Variants in COL6A6 observed in about 807,000 individuals in gnomAD.
The protein encoded by COL6A6 is collagen type VI alpha 6 chain.
In COL6A6, 183 loss-of-function variants were observed where a neutral mutation model predicts 208.6. The ratio of observed to expected loss-of-function variants is 0.88; its 90% CI spans 0.78 to 0.99. COL6A6 has a LOEUF of 0.99. Ranked by LOEUF, COL6A6 falls within the 50% of genes least tolerant of loss-of-function variation. The pLI, the probability that COL6A6 is intolerant of heterozygous loss-of-function variation, is 0.00. For synonymous variants in COL6A6, 973 were observed against 1,011.8 expected, an observed-to-expected ratio of 0.96 and a Z score of 0.73; for missense variants, 2,816 against 2,815.2, an observed-to-expected ratio of 1.00 and a Z score of -0.01.
At chr3:130,533,253 T>TTAA (rs745978217) in intron 1 of COL6A6, among the ~76,000 whole-genome samples, 7 of 129,518 alleles carry the variant, frequency 5.4e-5, no homozygotes, top group South Asian at 2.5e-4. Flanking sequence ...TCCCAGGAAT[T>TTAA]AAAAAAAAAA....
chr3:130,615,448 TAA>T (rs2064488832), intron 23 of COL6A6, among the ~76,000 whole-genome samples: 2 of 152,316 alleles, frequency 1.3e-5, no homozygotes, highest in South Asian at 4.1e-4. Context: ...ATATGTCTAT[TAA>T]ATCAAGTGTT....
At chr3:130,533,253 TAAA>T (rs59750509) in intron 1 of COL6A6, among the ~76,000 whole-genome samples, 540 of 129,488 alleles carry the variant, frequency 4.2e-3, no homozygotes, top group Middle Eastern at 0.012. Context: ...TCCCAGGAAT[TAAA>T]AAAAAAAAAA....
chr3:130,584,103 A>G (rs1457280050), intron 10 of COL6A6, among the ~76,000 whole-genome samples: 2 of 152,170 alleles, frequency 1.3e-5, no homozygotes, highest in East Asian at 1.9e-4. Context: ...AAGTTTGAAA[A>G]TCTTTTCTTT....
chr3:130,627,500 A>G, intron 26 of COL6A6, 131 bp downstream of exon 26: 1 of 738,612 alleles, frequency 1.4e-6, no homozygotes, highest in South Asian at 1.6e-5. Context: ...TATTTCAGTA[A>G]TTTATTTGCT....
chr3:130,642,241 A>ATGTGTG (rs1435927175), intron 29 of COL6A6, among the ~76,000 whole-genome samples: 9 of 96,906 alleles, frequency 9.3e-5, no homozygotes, highest in African/African-American at 3.9e-4. Context: ...CTGACAGATT[A>ATGTGTG]TATGTGTGTG....
intron 29 of COL6A6, among the ~76,000 whole-genome samples, chr3:130,642,611 A>G (rs1348087666): frequency 6.6e-6 from 1 of 152,190 alleles, no homozygotes; most frequent in Non-Finnish European, 1.5e-5. Flanking sequence ...GCGGCCTCTC[A>G]AGGCTTGTGT....
At chr3:130,578,012 G>A (rs930709745) in intron 8 of COL6A6, among the ~76,000 whole-genome samples, 5 of 152,166 alleles carry the variant, frequency 3.3e-5, no homozygotes, top group African/African-American at 1.2e-4. Flanking sequence ...TTAAGCAACT[G>A]TTTTCTCACC....
At chr3:130,608,851 G>C (rs562975862) in intron 21 of COL6A6, 51 bp from the exon 22 acceptor site, 1 of 1,279,556 alleles carries the variant, frequency 7.8e-7, no homozygotes, top group South Asian at 1.2e-5. Flanking sequence ...AGGTAAAGGA[G>C]ACAAAATGTT....
At chr3:130,614,435 A>G (rs1259545104) in intron 23 of COL6A6, among the ~76,000 whole-genome samples, 4 of 152,088 alleles carry the variant, frequency 2.6e-5, no homozygotes, top group African/African-American at 9.7e-5. Flanking sequence ...TGATTTTTAC[A>G]TTTATGTTCA....
intron 1 of COL6A6, among the ~76,000 whole-genome samples, chr3:130,542,683 G>A (rs1320714755): frequency 1.3e-5 from 2 of 151,932 alleles, no homozygotes; most frequent in Non-Finnish European, 2.9e-5. Flanking sequence ...ATTGGTTTTT[G>A]CCTTATGTAT....
intron 1 of COL6A6, among the ~76,000 whole-genome samples, chr3:130,547,565 G>A (rs1286371847): frequency 6.6e-6 from 1 of 152,260 alleles, no homozygotes; most frequent in East Asian, 1.9e-4. Context: ...AGATGCCGAG[G>A]CCGAGGAGGG....
chr3:130,571,352 T>C lies in COL6A6; in HGVS notation c.2936T>C (p.Phe979Ser). The change falls in exon 7 of 37, where the codon TTT becomes TCT. Residue 979 changes from phenylalanine (F) to serine (S), a missense_variant. Phe to Ser is a radical substitution (Grantham distance 155). Coordinates refer to ENST00000358511, the MANE Select transcript of COL6A6 (RefSeq NM_001102608.3). Reference sequence around the variant, plus strand: ...ACTTTTGGAGGTCTGAAGGGAATATTTTCAGATGTGACAGCCAGTGTCTGC... The same window carrying C: ...ACTTTTGGAGGTCTGAAGGGAATATCTTCAGATGTGACAGCCAGTGTCTGC... ...VETFGGLKGI[F>S]SDVTASVCNS... 6.2e-7 allele frequency: 1 copy of C among 1,600,454 alleles called. No individual in the cohort carries two copies. Among genetic ancestry groups the C allele is most frequent in the Non-Finnish European group, 8.5e-7 (1 of 1,175,288 alleles).
chr3:130,669,288 G>A (rs1347266285), intron 36 of COL6A6, among the ~76,000 whole-genome samples: 8 of 151,984 alleles, frequency 5.3e-5, no homozygotes, highest in South Asian at 2.1e-4. Flanking sequence ...CCAGCTACTC[G>A]GGAGGCAGAG....
In COL6A6 at chr3:130,581,767, C is replaced by G. The variant is rs759854336; in HGVS notation, c.3754C>G (p.Pro1252Ala). Residue 1252 changes from proline (P) to alanine (A), a missense_variant, in exon 9 of 37, where the codon CCC becomes GCC. Transcript: ENST00000358511. Reference protein sequence around the residue: ...QVTNAMEKYSPKFEIYSENIL... With the variant: ...QVTNAMEKYSAKFEIYSENIL... ...GACCAATGCCATGGAAAAATATTCT[C>G]CCAAGTTTGAGATCTACAGTGAAAA... is the stretch of plus-strand genomic sequence containing the variant. The G allele has an allele frequency of 6.2e-7, 1 of 1,613,784 alleles. No homozygotes were observed. The highest frequency in any genetic ancestry group is 8.5e-7 in the Non-Finnish European group (1 of 1,179,786).
rs1428028752 is a variant in COL6A6 at position 130,574,057 on chromosome 3, G to T, written c.3079G>T (p.Val1027Phe). Residue 1027 changes from valine to phenylalanine, a missense_variant, in exon 8 of 37, where the codon GTT becomes TTT. By Grantham distance (50) the Val-to-Phe change is conservative. Coordinates refer to ENST00000358511, the MANE Select transcript of COL6A6 (RefSeq NM_001102608.3). ...KKMKEFLASV[V>F]QDFDVSLNRV... The stretch of plus-strand genomic sequence containing the variant: ...AATGAAGGAATTTCTGGCATCTGTT[G>T]TTCAAGACTTTGATGTCAGCCTCAA... The T allele has an allele frequency of 1.2e-6, 2 of 1,613,910 alleles. No individual in the cohort carries two copies. Among genetic ancestry groups the T allele is most frequent in the Non-Finnish European group, 1.7e-6 (2 of 1,179,840 alleles).
chr3:130,643,169 G>C (rs1455157075), intron 31 of COL6A6, 146 bp downstream of exon 31: 1 of 804,994 alleles, frequency 1.2e-6, no homozygotes, highest in African/African-American at 1.7e-5. Context: ...GCATAGACTG[G>C]TGACTTTTAA....
chr3:130,621,704 C>T (rs1028283203), intron 23 of COL6A6, 117 bp from the exon 24 acceptor site: 22 of 719,798 alleles, frequency 3.1e-5, no homozygotes, highest in Non-Finnish European at 4.3e-5. Context: ...GAGCAAGGAT[C>T]GATACAGCCA....
intron 23 of COL6A6, among the ~76,000 whole-genome samples, chr3:130,618,838 T>A (rs2064616204): frequency 6.6e-6 from 1 of 152,228 alleles, no homozygotes; most frequent in African/African-American, 2.4e-5. Context: ...CTCTCATTGT[T>A]CTTGTGTGTG....
chr3:130,560,386 C>T lies in COL6A6; in HGVS notation c.22C>T (p.Leu8Phe), dbSNP rs534996022. 11 of 1,610,104 alleles carry T rather than the reference C, an allele frequency of 6.8e-6. No homozygotes were observed. The highest frequency in any genetic ancestry group is 4.4e-5 in the South Asian group (4 of 89,976). Reference protein sequence around the residue: MMLLILFLVIICSHISVN... With the variant: MMLLILFFVIICSHISVN... ...TAATATGATGTTGCTAATTTTGTTC[C>T]TCGTGATAATTTGTTCCCATATTTC... Residue 8 changes from leucine to phenylalanine, a missense_variant, in exon 2 of 37, where the codon CTC becomes TTC. Physicochemically the swap from Leu to Phe is conservative, Grantham distance 22. Coordinates refer to ENST00000358511, the MANE Select transcript of COL6A6 (RefSeq NM_001102608.3).
Sources: gnomAD v4.1 joint callset for allele counts (sites outside exome capture counted in the v4.1 genomes callset) on GRCh38, gnomAD v4.1.1 for gene constraint, MANE v1.5 for transcripts, NCBI Gene and HGNC (gene_info 2026-07-23, HGNC 2026-07-21) for gene names.